DNAH7: variants seen among roughly 807,000 people sequenced by gnomAD.
DNAH7 encodes the protein dynein axonemal heavy chain 7.
DNAH7 carries 397 observed loss-of-function variants against 444.6 expected under a neutral mutation model. The observed-to-expected ratio is 0.89, with a 90% CI of 0.82 to 0.97. The LOEUF is 0.97. Among genes scored for constraint, DNAH7 ranks in the 50% least tolerant of loss-of-function variants. The pLI, the probability that DNAH7 is intolerant of heterozygous loss-of-function variation, is 0.00. For missense variants in DNAH7, 4,902 were observed against 4,800.8 expected (o/e 1.02, Z -0.62); for synonymous variants, 1,636 against 1,624.4 (o/e 1.01, Z -0.17).
chr2:196,065,275 G>C (rs1698366646), intron 1 of DNAH7, among the ~76,000 whole-genome samples: 1 of 152,154 alleles, frequency 6.6e-6, no homozygotes, highest in African/African-American at 2.4e-5. Flanking sequence ...CAGATTCTGG[G>C]AGCATATCCT....
chr2:196,026,811 A>G lies in DNAH7; in HGVS notation c.616T>C (p.Leu206=), dbSNP rs775020012. 1.2e-6 allele frequency: 2 copies of G among 1,612,646 alleles called. No individual in the cohort carries two copies. The highest frequency in any genetic ancestry group is 2.2e-5 in the South Asian group (2 of 91,010). Residue 206 remains leucine, a synonymous_variant, in exon 7 of 65, where the codon TTA becomes CTA. Coordinates refer to ENST00000312428, the MANE Select transcript of DNAH7 (RefSeq NM_018897.3). ...LKVFTDSIVT[L]SDEMREDYLL... ...TAATCCTCTCTCATTTCATCAGATA[A>G]TGTAACTATGCTGTCAGTGAAGACT...
chr2:195,744,760 T>C (rs1405403439), intron 63 of DNAH7, among the ~76,000 whole-genome samples: 1 of 152,184 alleles, frequency 6.6e-6, no homozygotes, highest in Non-Finnish European at 1.5e-5. Context: ...GGAGTGGACC[T>C]CTAGCAAACT....
intron 48 of DNAH7, among the ~76,000 whole-genome samples, chr2:195,833,316 C>A (rs979393441): frequency 2.6e-5 from 4 of 152,164 alleles, no homozygotes; most frequent in Non-Finnish European, 5.9e-5. Flanking sequence ...TAGACTTAGA[C>A]TGTCTTCATT....
At chr2:196,058,245 A>G (rs1184606481) in intron 1 of DNAH7, 129 bp from the exon 2 acceptor site, 8 of 567,358 alleles carry the variant, frequency 1.4e-5, no homozygotes, top group Middle Eastern at 3.3e-4. Flanking sequence ...TACTGTACAA[A>G]TGGCATGATC....
chr2:195,759,570 T>TG (rs1404387819), intron 61 of DNAH7, among the ~76,000 whole-genome samples: 5 of 152,076 alleles, frequency 3.3e-5, no homozygotes, highest in Non-Finnish European at 5.9e-5. Context: ...ACTGCTACAG[T>TG]GGGGTATGCA....
intron 46 of DNAH7, among the ~76,000 whole-genome samples, chr2:195,852,131 A>G (rs566258237): frequency 1.8e-4 from 27 of 151,980 alleles, no homozygotes; most frequent in African/African-American, 3.6e-4. Context: ...GGTGGCGGGC[A>G]CCTGTAGTCC....
At chr2:195,771,988 T>C (rs778460870) in intron 60 of DNAH7, 98 bp from the exon 61 acceptor site, 16 of 979,832 alleles carry the variant, frequency 1.6e-5, no homozygotes, top group South Asian at 5.7e-5. Context: ...AGAAAGAACA[T>C]TGCTCTCTAT....
chr2:195,957,220 T>C lies in DNAH7; in HGVS notation c.3078+41A>G, dbSNP rs570985740. The C allele has an allele frequency of 2.1e-6, 3 of 1,420,106 alleles. No homozygotes were observed. In the East Asian group the frequency reaches 7.6e-5, roughly 36 times the overall value. 88.0% of individuals were successfully genotyped at this position (1,420,106 alleles called of 1,614,324 possible). A position where few individuals can be genotyped will look rare whatever the true frequency, so the allele number is the denominator to read the frequency against. ...TTTCTGAAAACAAAAATCATGTCAC[T>C]TCAACCAAATAATGACATTTTTGGA... On this transcript the variant is annotated intron_variant, in intron 19 of 64. Transcript: ENST00000312428.
chr2:195,856,621 G>A (rs1260540669), intron 44 of DNAH7, among the ~76,000 whole-genome samples: 1 of 151,860 alleles, frequency 6.6e-6, no homozygotes, highest in Non-Finnish European at 1.5e-5. Flanking sequence ...GTTGTTTTTT[G>A]AAAAAATAAT....
At chr2:195,922,356 C>T (rs1688075437) in intron 23 of DNAH7, among the ~76,000 whole-genome samples, 159 bp from the exon 24 acceptor site, 1 of 152,014 alleles carries the variant, frequency 6.6e-6, no homozygotes, top group Admixed American at 6.5e-5. Flanking sequence ...TAGTTTCCAT[C>T]GATGAATAAT....
In DNAH7 at chr2:195,796,714, G is replaced by A. The variant is rs939218295; in HGVS notation, c.10377C>T (p.Ser3459=). The change falls in exon 56 of 65, where the codon AGC becomes AGT. Residue 3459 remains serine, a synonymous_variant. Coordinates refer to ENST00000312428, the MANE Select transcript of DNAH7 (RefSeq NM_018897.3). ...CTTGGCCTTGACCAAGAGATAAAGA[G>A]CTAAGTTTTGATCCCCCATATCCCT... is the stretch of plus-strand genomic sequence containing the variant. ...DDQGYGGSKL[S]SLSLGQGQGP... The A allele has an allele frequency of 6.2e-7, 1 of 1,614,092 alleles. No individual in the cohort carries two copies. Among genetic ancestry groups the A allele is most frequent in the East Asian group, 2.2e-5 (1 of 44,870 alleles).
chr2:195,835,625 C>G (rs1466431703), intron 47 of DNAH7, among the ~76,000 whole-genome samples: 5 of 152,044 alleles, frequency 3.3e-5, no homozygotes, highest in Admixed American at 6.6e-5. Context: ...GTAGGCGGAT[C>G]ATGGGGTCAG....
chr2:195,816,961 T>C lies in DNAH7; in HGVS notation c.9428A>G (p.Gln3143Arg). Residue 3143 changes from glutamine to arginine, a missense_variant and splice_region_variant, in exon 51 of 65, where the codon CAG becomes CGG. By Grantham distance (43) the Gln-to-Arg change is conservative. Coordinates refer to ENST00000312428, the MANE Select transcript of DNAH7 (RefSeq NM_018897.3). ...LILQGAENKR[Q>R]LKEIEDKILE... ...AATCTTGTCTTCTATTTCTTTTAAC[T>C]GCCTGGAATAAAACAAAATTTTCTT... The C allele has an allele frequency of 6.4e-7, 1 of 1,567,706 alleles. No homozygotes were observed. Among genetic ancestry groups the C allele is most frequent in the Non-Finnish European group, 8.6e-7 (1 of 1,161,234 alleles).
intron 48 of DNAH7, among the ~76,000 whole-genome samples, chr2:195,831,802 TAG>T (rs1417166342): frequency 5.0e-4 from 76 of 152,192 alleles, no homozygotes; most frequent in African/African-American, 1.7e-3. Flanking sequence ...AATTAGCATA[TAG>T]TATGGTGATA....
intron 49 of DNAH7, among the ~76,000 whole-genome samples, chr2:195,821,371 G>A (rs1253001358): frequency 2.0e-5 from 3 of 152,266 alleles, no homozygotes; most frequent in South Asian, 2.1e-4. Context: ...CTTTTCATCT[G>A]TTGTTTCCTG....
intron 19 of DNAH7, among the ~76,000 whole-genome samples, chr2:195,947,671 A>G (rs886947631): frequency 1.3e-5 from 2 of 151,768 alleles, no homozygotes; most frequent in Admixed American, 1.3e-4. Flanking sequence ...TATGTGCCAC[A>G]TTTTCTTTAT....
At chr2:195,786,583 T>TC (rs1695633894) in intron 58 of DNAH7, among the ~76,000 whole-genome samples, 1 of 151,794 alleles carries the variant, frequency 6.6e-6, no homozygotes, top group African/African-American at 2.4e-5. Context: ...TTTTTTTTTT[T>TC]CCTGACAAAT....
At chr2:196,025,758 G>C (rs1695643700) in intron 7 of DNAH7, among the ~76,000 whole-genome samples, 2 of 152,026 alleles carry the variant, frequency 1.3e-5, no homozygotes, top group Non-Finnish European at 2.9e-5. Flanking sequence ...CTGAGGGCAG[G>C]GATTAGGCTT....
chr2:195,857,096 C>T (rs1415989200), intron 44 of DNAH7, among the ~76,000 whole-genome samples: 1 of 151,782 alleles, frequency 6.6e-6, no homozygotes. Context: ...TAAAATTTTT[C>T]CATTTTAATT....
Sources: allele counts gnomAD v4.1 joint callset (sites outside exome capture counted in the v4.1 genomes callset), GRCh38; gene constraint gnomAD v4.1.1; transcripts MANE v1.5; gene names NCBI Gene and HGNC (gene_info 2026-07-23, HGNC 2026-07-21).